The following CHD1L variants were observed in gnomAD, a reference collection of about 807,000 sequenced individuals.
CHD1L encodes the protein chromodomain helicase DNA binding protein 1 like.
CHD1L carries 118 observed loss-of-function variants against 115.9 expected under a neutral mutation model. The observed-to-expected ratio is 1.02, with a 90% CI of 0.88 to 1.19. The LOEUF is 1.19. Among genes scored for constraint, CHD1L ranks in the 50% most tolerant of loss-of-function variants. The pLI, the probability that CHD1L is intolerant of heterozygous loss-of-function variation, is 0.00. For missense variants in CHD1L, 1,179 were observed against 1,065.3 expected (o/e 1.11, Z -1.49); for synonymous variants, 411 against 387.1 (o/e 1.06, Z -0.72).
the CHD1L span, among the ~76,000 whole-genome samples, chr1:147,218,886 T>C: frequency 6.6e-6 from 1 of 152,216 alleles, no homozygotes; most frequent in Admixed American, 6.5e-5. Context: ...CTTTTCTAAT[T>C]TCTCCAGAGA....
intron 3 of CHD1L, 132 bp downstream of exon 3, chr1:147,255,108 T>TA: frequency 1.7e-6 from 1 of 596,372 alleles, no homozygotes. Context: ...TTTGAGCTGA[T>TA]AGAGTGTAGG....
chr1:147,293,310 C>T (rs946768589), intron 20 of CHD1L, among the ~76,000 whole-genome samples: 2 of 150,052 alleles, frequency 1.3e-5, no homozygotes, highest in Middle Eastern at 3.4e-3. Flanking sequence ...GAAAAATTCT[C>T]TTTTTTTTTT....
rs782710453 is a variant in CHD1L, at chr1:147,285,503, C to T, written c.2018+16C>T. ...ATAAGAAAAAGTATGTCTGCGTTAA[C>T]CAAGCTGGCGGCCACAGTTGAAGGA... On this transcript the variant is annotated intron_variant, in intron 17 of 22. Coordinates refer to ENST00000369258, the MANE Select transcript of CHD1L (RefSeq NM_004284.6). 1.9e-6 allele frequency: 3 copies of T among 1,602,182 alleles called. No individual in the cohort carries two copies. Among genetic ancestry groups the T allele is most frequent in the South Asian group, 2.2e-5 (2 of 89,132 alleles).
rs1553952488 is a variant in CHD1L at position 147,270,941 on chromosome 1, G to A, written c.1095G>A (p.Arg365=). The change falls in exon 11 of 23, where the codon CGG becomes CGA. Residue 365 remains arginine, a synonymous_variant. Transcript: ENST00000369258. ...TTCTTTTTCTTGCCAGGGGCCATCG[G>A]GTTTTACTTTTCTCCCAAATGACCC... ...LLAFLYSGGH[R]VLLFSQMTQM... The A allele has an allele frequency of 1.2e-6, 2 of 1,613,926 alleles. No individual in the cohort carries two copies.
At position 147,254,936 on chromosome 1, in the gene CHD1L, C is replaced by A; in HGVS notation, c.307C>A (p.Pro103Thr). The A allele has an allele frequency of 6.2e-7, 1 of 1,610,152 alleles. No homozygotes were observed. The highest frequency in any genetic ancestry group is 1.1e-5 in the South Asian group (1 of 90,276). ...NDEGPFLILC[P>T]LSVLSNWKEE... ...TGAAGGGCCATTTCTGATTCTTTGTCCCTTGTCTGTTTTGAGCAACTGGAA... is the reference window on the plus strand; with the variant it reads ...TGAAGGGCCATTTCTGATTCTTTGTACCTTGTCTGTTTTGAGCAACTGGAA... The change falls in exon 3 of 23, where the codon CCC becomes ACC. Residue 103 changes from proline to threonine, a missense_variant. By Grantham distance (38) the Pro-to-Thr change is conservative. Transcript: ENST00000369258.
intron 14 of CHD1L, among the ~76,000 whole-genome samples, chr1:147,277,848 C>T (rs1470524294): frequency 2.6e-5 from 4 of 152,112 alleles, no homozygotes; most frequent in Non-Finnish European, 4.4e-5. Context: ...TCACAAGGCC[C>T]GCATTCTCTT....
chr1:147,193,771 A>G, the CHD1L span, among the ~76,000 whole-genome samples: 1 of 152,158 alleles, frequency 6.6e-6, no homozygotes, highest in Non-Finnish European at 1.5e-5. Context: ...TGTACCCAGT[A>G]GTCATTCAGG....
rs59773572 is a variant in CHD1L, at chr1:147,249,404, A to ATTTTTTTTTTTTTTTT, written c.128-3214_128-3199dup. On this transcript the variant is annotated intron_variant, in intron 1 of 22. Transcript: ENST00000369258. ...TTAATAATTACATATCTTGGTGTGT[A>ATTTTTTTTTTTTTTTT]TTTTTTTTTTTTTTTTTTTTGAGAT... is the stretch of plus-strand genomic sequence containing the variant. 5.3e-5 allele frequency among the ~76,000 whole-genome samples: 5 copies of ATTTTTTTTTTTTTTTT among 94,174 alleles called. 1 individual carries two copies. The highest frequency in any genetic ancestry group is 3.8e-5 in the Non-Finnish European group (2 of 53,328). The allele number at this position is 94,174 out of a possible 152,430, so 61.8% of individuals were successfully genotyped here. A position where few individuals can be genotyped will look rare whatever the true frequency, so the allele number is the denominator to read the frequency against.
At chr1:147,289,782 G>T (rs1168921629) in intron 19 of CHD1L, among the ~76,000 whole-genome samples, 1 of 152,236 alleles carries the variant, frequency 6.6e-6, no homozygotes, top group Non-Finnish European at 1.5e-5. Context: ...CTGTTCCTTT[G>T]TGTGGAGGAT....
At chr1:147,271,436 T>C (rs1419353813) in intron 11 of CHD1L, among the ~76,000 whole-genome samples, 6 of 152,250 alleles carry the variant, frequency 3.9e-5, no homozygotes, top group Non-Finnish European at 7.3e-5. Context: ...GAGCAACTTT[T>C]TCTGCATAGA....
chr1:147,254,944 T>C lies in CHD1L; in HGVS notation c.315T>C (p.Ser105=). The C allele has an allele frequency of 6.2e-7, 1 of 1,607,426 alleles. No individual in the cohort carries two copies. The highest frequency in any genetic ancestry group is 8.5e-7 in the Non-Finnish European group (1 of 1,177,536). ...CATTTCTGATTCTTTGTCCCTTGTC[T>C]GTTTTGAGCAACTGGAAAGAAGAAA... ...EGPFLILCPL[S]VLSNWKEEMQ... is the part of the protein sequence containing the mutation. The change falls in exon 3 of 23, where the codon TCT becomes TCC. Residue 105 remains serine, a synonymous_variant. Transcript: ENST00000369258.
rs782728779 is a variant in CHD1L, at chr1:147,266,086, A to G, written c.894A>G (p.Leu298=). ...ACAAGGCCATTTTGATGAAAGACCTAGGTAATCAGAGGGCACTTGTCCATT... is the reference window on the plus strand; with the variant it reads ...ACAAGGCCATTTTGATGAAAGACCTGGGTAATCAGAGGGCACTTGTCCATT... ...KYYKAILMKD[L]DAFENETAKK... The change falls in exon 8 of 23, where the codon CTA becomes CTG. Residue 298 remains leucine, a splice_region_variant and synonymous_variant. Coordinates refer to ENST00000369258, the MANE Select transcript of CHD1L (RefSeq NM_004284.6). The G allele has an allele frequency of 6.2e-7, 1 of 1,607,366 alleles. No homozygotes were observed. Among genetic ancestry groups the G allele is most frequent in the Non-Finnish European group, 8.5e-7 (1 of 1,177,582 alleles).
chr1:147,192,159 C>G, the CHD1L span, among the ~76,000 whole-genome samples: 1 of 152,078 alleles, frequency 6.6e-6, no homozygotes, highest in African/African-American at 2.4e-5. Context: ...AATGTTCTTC[C>G]ATTTCTTTGT....
At chr1:147,183,542 A>G in the CHD1L span, among the ~76,000 whole-genome samples, 3 of 152,222 alleles carry the variant, frequency 2.0e-5, no homozygotes, top group South Asian at 4.1e-4. Context: ...ATATTGTTAT[A>G]TATTATGATA....
Position 147,285,337 on chromosome 1 carries a change from G to A in CHD1L, c.1868G>A (p.Gly623Asp). ...LRNKGSVLIP[G>D]LVEGSTKRKR... Reference sequence around the variant, plus strand: ...TTCTTCCTCTAGGTTCTCATCCCAGGCCTTGTGGAGGGATCTACCAAAAGG... The same window carrying A: ...TTCTTCCTCTAGGTTCTCATCCCAGACCTTGTGGAGGGATCTACCAAAAGG... Residue 623 changes from glycine to aspartate, a missense_variant, in exon 17 of 23, where the codon GGC becomes GAC. Coordinates refer to ENST00000369258, the MANE Select transcript of CHD1L (RefSeq NM_004284.6). 1 of 1,612,590 alleles carries A rather than the reference G, an allele frequency of 6.2e-7. No homozygotes were observed.
chr1:147,250,036 T>G (rs1230496138), intron 1 of CHD1L, among the ~76,000 whole-genome samples: 1 of 152,192 alleles, frequency 6.6e-6, no homozygotes, highest in Non-Finnish European at 1.5e-5. Context: ...TTTGGTTATA[T>G]TATTTTTCAG....
chr1:147,287,897 T>C (rs1683877612), intron 19 of CHD1L, among the ~76,000 whole-genome samples, 164 bp downstream of exon 19: 1 of 152,232 alleles, frequency 6.6e-6, no homozygotes, highest in Non-Finnish European at 1.5e-5. Context: ...CTTCAAGGCA[T>C]TCCTTTACCT....
chr1:147,290,635 C>T (rs1685150781), intron 19 of CHD1L, among the ~76,000 whole-genome samples: 1 of 152,038 alleles, frequency 6.6e-6, no homozygotes, highest in Non-Finnish European at 1.5e-5. Flanking sequence ...TCATGGCCTT[C>T]CCTGGCTCTA....
upstream of CHD1L, chr1:147,242,589 TG>T: frequency 9.2e-7 from 1 of 1,084,484 alleles, no homozygotes; most frequent in Non-Finnish European, 1.2e-6. Context: ...ACGCGCCCTC[TG>T]GCGGCGCCTC....
Sources: allele counts gnomAD v4.1 joint callset (sites outside exome capture counted in the v4.1 genomes callset), GRCh38; gene constraint gnomAD v4.1.1; transcripts MANE v1.5; gene names NCBI Gene and HGNC (gene_info 2026-07-23, HGNC 2026-07-21).